PHKA2: variants seen among roughly 807,000 people sequenced by gnomAD.
PHKA2 encodes the protein phosphorylase b kinase regulatory subunit alpha, liver isoform.
In PHKA2, 31 loss-of-function variants were observed where a neutral mutation model predicts 102.0. The observed-to-expected ratio is 0.30, with a 90% CI of 0.23 to 0.41. PHKA2 has a LOEUF of 0.41. PHKA2 is among the 10% of genes least tolerant of loss of function. The probability of loss-of-function intolerance (pLI) is 1.00; values close to 1 mark genes in which losing one functional copy is unlikely to be tolerated. For missense variants in PHKA2, 858 were observed against 1,023.1 expected (o/e 0.84, Z 2.20); for synonymous variants, 455 against 416.2 (o/e 1.09, Z -1.13).
intron 10 of PHKA2, among the ~76,000 whole-genome samples, chrX:18,937,272 G>A (rs2048408528): frequency 9.1e-6 from 1 of 110,244 alleles, no homozygotes; most frequent in Admixed American, 9.8e-5. Flanking sequence ...AACAAAGTAT[G>A]CTCAGGGCTC....
rs1014413130 is a variant in PHKA2 at position 18,893,367 on chromosome X, G to A, written c.*118C>T. On this transcript the variant is annotated 3_prime_UTR_variant, in exon 33 of 33. Coordinates refer to ENST00000379942, the MANE Select transcript of PHKA2 (RefSeq NM_000292.3). ...AGTGCTACCATTGCCCCCCGAGAGT[G>A]TTTCTGATGGGACATGCTTTCCTGA... 7.2e-5 allele frequency: 53 copies of A among 734,662 alleles called. No homozygotes were observed. The highest frequency in any genetic ancestry group is 1.1e-4 in the Non-Finnish European group (51 of 469,406). The allele number at this position is 734,662 out of a possible 1,213,427, so 60.5% of individuals were successfully genotyped here.
At chrX:18,943,869 G>T (rs766330051) in intron 6 of PHKA2, 61 bp from the exon 7 acceptor site, 38 of 823,160 alleles carry the variant, frequency 4.6e-5, no homozygotes, top group Non-Finnish European at 6.8e-5. Context: ...AATATCTGGT[G>T]TTCCTTTTTC....
chrX:18,893,916 G>A (rs1386784392), intron 32 of PHKA2, among the ~76,000 whole-genome samples: 1 of 112,437 alleles, frequency 8.9e-6, no homozygotes, highest in African/African-American at 3.2e-5. Context: ...GGACTACTCT[G>A]TTGAACTTGA....
chrX:18,929,533 T>C (rs1286880201), intron 12 of PHKA2, among the ~76,000 whole-genome samples: 1 of 112,435 alleles, frequency 8.9e-6, no homozygotes, highest in African/African-American at 3.2e-5. Context: ...TCGTCGAATA[T>C]GCCACCATCT....
At position 18,938,151 on chromosome X, in the gene PHKA2, T is replaced by C. The variant is rs761530234; in HGVS notation, c.1041+476A>G. ...TTGTCAGTTCCGGGCCTAACACTTA[T>C]GGAAGCTTGGCAGCTTCTGCTTTTG... On this transcript the variant is annotated intron_variant, in intron 10 of 32. Coordinates refer to ENST00000379942, the MANE Select transcript of PHKA2 (RefSeq NM_000292.3). Among the ~76,000 whole-genome samples the C allele has an allele frequency of 3.9e-4, 44 of 112,988 alleles. 1 individual carries two copies. Among genetic ancestry groups the C allele is most frequent in the East Asian group, 2.8e-4 (1 of 3,603 alleles).
At chrX:18,947,770 C>T (rs759928651) in intron 5 of PHKA2, among the ~76,000 whole-genome samples, 12 of 112,132 alleles carry the variant, frequency 1.1e-4, no homozygotes, top group Non-Finnish European at 1.7e-4. Context: ...CATCAGTCAA[C>T]GAGTAGATAA....
intron 28 of PHKA2, among the ~76,000 whole-genome samples, chrX:18,900,027 C>G (rs1010570112): frequency 1.3e-4 from 14 of 111,271 alleles, no homozygotes. Flanking sequence ...ACGGTGCCAC[C>G]GAGTGGCTGG....
intron 1 of PHKA2, among the ~76,000 whole-genome samples, chrX:18,966,081 GT>G (rs1178984805): frequency 3.5e-5 from 3 of 85,085 alleles, no homozygotes; most frequent in Admixed American, 2.5e-4. Context: ...TGGCTCTTTT[GT>G]TTTTTTTTTG....
At chrX:18,913,604 C>T (rs1448704119) in intron 19 of PHKA2, among the ~76,000 whole-genome samples, 1 of 110,498 alleles carries the variant, frequency 9.0e-6, no homozygotes, top group East Asian at 2.8e-4. Context: ...CAGGGTTTCA[C>T]CATGTTAGCC....
At chrX:18,901,647 C>T (rs761207348) in intron 26 of PHKA2, 44 bp from the exon 27 acceptor site, 2 of 894,473 alleles carry the variant, frequency 2.2e-6, no homozygotes, top group African/African-American at 2.0e-5. Context: ...AACTCTACAG[C>T]ATCCAACCCG....
At position 18,940,045 on chromosome X, in the gene PHKA2, G is replaced by A. The variant is rs995558826; in HGVS notation, c.868C>T (p.Arg290Cys). ...KNEIISKLQG[R>C]YGCCRFLRDG... Reference sequence around the variant, plus strand: ...CGAAGGAAGCGACAGCATCCATAACGCCCCTAATAAGAGAAAGTACATTCG... The same window carrying A: ...CGAAGGAAGCGACAGCATCCATAACACCCCTAATAAGAGAAAGTACATTCG... The change falls in exon 9 of 33, where the codon CGT (arginine) becomes TGT (cysteine). Residue 290 changes from arginine to cysteine, a missense_variant. This residue lies in a region of PHKA2 where 187 missense variants were observed against 277.9 expected (regional missense o/e 0.67). Coordinates refer to ENST00000379942, the MANE Select transcript of PHKA2 (RefSeq NM_000292.3). 4.2e-6 allele frequency: 5 copies of A among 1,190,307 alleles called. No homozygotes were observed. Among genetic ancestry groups the A allele is most frequent in the East Asian group, 3.0e-5 (1 of 33,672 alleles).
chrX:18,953,054 T>C (rs974615958), intron 2 of PHKA2, among the ~76,000 whole-genome samples: 1 of 112,012 alleles, frequency 8.9e-6, no homozygotes. Context: ...TCATTATAAA[T>C]AACAACAATA....
intron 30 of PHKA2, 189 bp from the exon 31 acceptor site, chrX:18,895,380 G>A (rs2047525541): frequency 4.2e-6 from 2 of 479,162 alleles, no homozygotes; most frequent in African/African-American, 2.4e-5. Context: ...TGTTTTCGAT[G>A]GAACAATTCT....
chrX:18,926,321 C>T (rs2048209042), intron 14 of PHKA2, 132 bp downstream of exon 14: 6 of 580,298 alleles, frequency 1.0e-5, no homozygotes, highest in South Asian at 2.3e-5. Context: ...CACATCGAAG[C>T]GGTGGAACCG....
rs201607740 is a variant in PHKA2 at position 18,924,303 on chromosome X, G to A, written c.1714+78C>T. 1.2e-3 allele frequency: 1,289 copies of A among 1,111,010 alleles called. 1 individual carries two copies. Among genetic ancestry groups the A allele is most frequent in the Middle Eastern group, 3.4e-3 (12 of 3,523 alleles). 91.6% of individuals were successfully genotyped at this position (1,111,010 alleles called of 1,213,427 possible). A position where few individuals can be genotyped will look rare whatever the true frequency, so the allele number is the denominator to read the frequency against. On this transcript the variant is annotated intron_variant, in intron 16 of 32. Transcript: ENST00000379942. Reference sequence around the variant, plus strand: ...CCCTTCAGTGCTTAGTTCTGGCCATGGGAGCCATTTTAAACATTTGTAAGA... The same window carrying A: ...CCCTTCAGTGCTTAGTTCTGGCCATAGGAGCCATTTTAAACATTTGTAAGA...
chrX:18,902,722 T>C (rs1242184103), intron 26 of PHKA2: 1 of 109,137 alleles, frequency 9.2e-6, no homozygotes, highest in Non-Finnish European at 1.9e-5. Flanking sequence ...GATCGTGCCA[T>C]TGCACCCCAG....
At chrX:18,909,566 A>C (rs2047886536) in intron 20 of PHKA2, among the ~76,000 whole-genome samples, 1 of 112,009 alleles carries the variant, frequency 8.9e-6, no homozygotes, top group South Asian at 3.7e-4. Context: ...ACACTTACCC[A>C]AGGAAACCTT....
Position 18,945,308 on chromosome X carries a change from A to T in PHKA2, c.538-150T>A, listed in dbSNP as rs41309693. On this transcript the variant is annotated intron_variant, in intron 5 of 32. Transcript: ENST00000379942. Reference sequence around the variant, plus strand: ...GTAGACTCATACTGTGCTCTTCCTCAATTTCAGTTCATGCGACCTCTGTGC... The same window carrying T: ...GTAGACTCATACTGTGCTCTTCCTCTATTTCAGTTCATGCGACCTCTGTGC... 2,485 of 441,106 alleles carry T rather than the reference A, an allele frequency of 5.6e-3. 6 individuals carry two copies. Among genetic ancestry groups the T allele is most frequent in the Non-Finnish European group, 7.8e-3 (1,953 of 250,426 alleles). The allele number at this position is 441,106 out of a possible 1,213,427, so 36.4% of individuals were successfully genotyped here.
chrX:18,897,963 C>T (rs2047605485), intron 29 of PHKA2: 1 of 114,143 alleles, frequency 8.8e-6, no homozygotes. Context: ...TCCATAGTGC[C>T]CACTTCATTG....
Sources: allele counts gnomAD v4.1 joint callset (sites outside exome capture counted in the v4.1 genomes callset), GRCh38; gene constraint gnomAD v4.1.1; regional missense constraint gnomAD v4.1.1; transcripts MANE v1.5; gene names NCBI Gene and HGNC (gene_info 2026-07-23, HGNC 2026-07-21).